The following THSD7A variants were observed in gnomAD, a reference collection of about 807,000 sequenced individuals.
The protein encoded by THSD7A is thrombospondin type-1 domain-containing protein 7A.
A neutral mutation model predicts 231.3 loss-of-function variants in THSD7A; 96 were observed. The ratio of observed to expected loss-of-function variants is 0.41; its 90% confidence interval spans 0.35 to 0.49. The LOEUF (loss-of-function observed/expected upper bound fraction) is 0.49, where lower values mean the gene tolerates loss of function less well. THSD7A is among the 20% of genes least tolerant of loss of function. The pLI is 0.05. For synonymous variants in THSD7A, 940 were observed against 743.3 expected (o/e 1.26, Z -4.30); for missense variants, 2,290 against 2,070.2 (o/e 1.11, Z -2.06).
intron 1 of THSD7A, among the ~76,000 whole-genome samples, chr7:11,648,529 G>A (rs1476082586): frequency 2.6e-5 from 4 of 151,794 alleles, no homozygotes; most frequent in Admixed American, 6.6e-5. Flanking sequence ...ACTTTATTTG[G>A]TGGGCTTCAT....
At chr7:11,542,435 C>A (rs1016117795) in intron 5 of THSD7A, among the ~76,000 whole-genome samples, 1 of 152,192 alleles carries the variant, frequency 6.6e-6, no homozygotes, top group South Asian at 2.1e-4. Flanking sequence ...TTATTCTATT[C>A]CTCTATCATT....
At chr7:11,445,191 C>T (rs192941823) in intron 13 of THSD7A, among the ~76,000 whole-genome samples, 97 of 152,064 alleles carry the variant, frequency 6.4e-4, no homozygotes, top group Non-Finnish European at 1.1e-3. Context: ...CTCATCCTTT[C>T]TTGGCCACTT....
rs1308416804 is a variant in THSD7A, at chr7:11,769,121, CAATATATATA to C, written c.190+62626_190+62635del. Among the ~76,000 whole-genome samples the C allele has an allele frequency of 2.2e-3, 124 of 55,974 alleles. 7 individuals are homozygous for C. Among genetic ancestry groups the C allele is most frequent in the East Asian group, 4.3e-3 (10 of 2,306 alleles). The allele number at this position is 55,974 out of a possible 152,430, so 36.7% of individuals were successfully genotyped here. A position where few individuals can be genotyped will look rare whatever the true frequency, so the allele number is the denominator to read the frequency against. On this transcript the variant is annotated intron_variant, in intron 1 of 27. Transcript: ENST00000423059. ...TACAGGCACCTGCCATAATTCCTGG[CAATATATATA>C]TATATATATATATATATATATATTT...
At chr7:11,808,577 T>C (rs1583307642) in intron 1 of THSD7A, among the ~76,000 whole-genome samples, 1 of 152,330 alleles carries the variant, frequency 6.6e-6, no homozygotes, top group Non-Finnish European at 1.5e-5. Context: ...TTCTATCATA[T>C]TTAAAAGATA....
chr7:11,410,806 C>A (rs1027899371), intron 19 of THSD7A, among the ~76,000 whole-genome samples: 6 of 151,988 alleles, frequency 3.9e-5, no homozygotes, highest in African/African-American at 1.2e-4. Context: ...TGCTATGAAA[C>A]CACATGTGAT....
chr7:11,488,099 T>C (rs1786735640), intron 6 of THSD7A, among the ~76,000 whole-genome samples: 1 of 152,118 alleles, frequency 6.6e-6, no homozygotes, highest in South Asian at 2.1e-4. Context: ...GAGCCAAGAT[T>C]AAAAAGCACA....
intron 2 of THSD7A, among the ~76,000 whole-genome samples, chr7:11,599,069 A>G (rs1252367649): frequency 1.3e-5 from 2 of 152,216 alleles, no homozygotes; most frequent in Admixed American, 6.5e-5. Context: ...CAGGAGATCC[A>G]TTAGGGCGTC....
At chr7:11,715,254 C>T (rs13312424) in intron 1 of THSD7A, among the ~76,000 whole-genome samples, 87,180 of 151,178 alleles carry the variant, frequency 0.58, 25,192 homozygotes, top group Admixed American at 0.63. Context: ...GTTTCATTTG[C>T]GAGGGAATGA....
intron 2 of THSD7A, among the ~76,000 whole-genome samples, chr7:11,612,001 C>T (rs1293340466): frequency 2.0e-5 from 3 of 152,052 alleles, no homozygotes; most frequent in Non-Finnish European, 4.4e-5. Flanking sequence ...TAATTGCTGC[C>T]ATATGGAGCT....
intron 23 of THSD7A, among the ~76,000 whole-genome samples, chr7:11,383,213 A>C (rs1421637720): frequency 6.6e-6 from 1 of 151,918 alleles, no homozygotes; most frequent in Non-Finnish European, 1.5e-5. Flanking sequence ...AAATTTTAAA[A>C]ATGTATCCTA....
chr7:11,672,859 G>A (rs1370135134), intron 1 of THSD7A, among the ~76,000 whole-genome samples: 2 of 151,976 alleles, frequency 1.3e-5, no homozygotes, highest in South Asian at 2.1e-4. Context: ...AAACAGACAC[G>A]TTTGACAATT....
At chr7:11,513,125 A>C (rs1362297549) in intron 6 of THSD7A, among the ~76,000 whole-genome samples, 2 of 151,492 alleles carry the variant, frequency 1.3e-5, no homozygotes, top group Non-Finnish European at 2.9e-5. Context: ...GCAAAGCCAT[A>C]AGAATGATAC....
chr7:11,677,028 T>C (rs768250285), intron 1 of THSD7A, among the ~76,000 whole-genome samples: 6 of 152,094 alleles, frequency 3.9e-5, no homozygotes, highest in Non-Finnish European at 7.4e-5. Flanking sequence ...AAACGTTGGG[T>C]TACCCACAAA....
chr7:11,438,373 A>G (rs1379124547), intron 13 of THSD7A, among the ~76,000 whole-genome samples: 1 of 151,990 alleles, frequency 6.6e-6, no homozygotes, highest in African/African-American at 2.4e-5. Flanking sequence ...TTTTATTTTA[A>G]TAATTAGTGC....
At chr7:11,790,569 AG>A (rs1207679976) in intron 1 of THSD7A, among the ~76,000 whole-genome samples, 1 of 152,026 alleles carries the variant, frequency 6.6e-6, no homozygotes, top group African/African-American at 2.4e-5. Context: ...TACGTTAAAA[AG>A]ATGAGATGTT....
Position 11,626,803 on chromosome 7 carries a change from A to G in THSD7A, c.1022+9327T>C, listed in dbSNP as rs10238066. Among the ~76,000 whole-genome samples, 1,461 of 152,266 alleles carry G rather than the reference A, an allele frequency of 9.6e-3. 23 individuals are homozygous for G. Among genetic ancestry groups the G allele is most frequent in the African/African-American group, 0.034 (1,394 of 41,546 alleles). ...TTCTCATTTATAAAGAAAATATAAC[A>G]ACAGCAATTATTTAGTGTTAACCAG... is the stretch of plus-strand genomic sequence containing the variant. On this transcript the variant is annotated intron_variant, in intron 2 of 27. Transcript: ENST00000423059.
At chr7:11,700,007 T>C (rs1417847430) in intron 1 of THSD7A, among the ~76,000 whole-genome samples, 1 of 151,368 alleles carries the variant, frequency 6.6e-6, no homozygotes, top group Non-Finnish European at 1.5e-5. Context: ...AAGAAGAATA[T>C]CCTTAAAGTT....
At chr7:11,691,471 A>G (rs182142752) in intron 1 of THSD7A, among the ~76,000 whole-genome samples, 1 of 151,592 alleles carries the variant, frequency 6.6e-6, no homozygotes, top group East Asian at 2.0e-4. Flanking sequence ...TAACTTGGAA[A>G]AAAGAGGGCT....
At chr7:11,408,054 G>A (rs1783647085) in intron 19 of THSD7A, among the ~76,000 whole-genome samples, 1 of 151,812 alleles carries the variant, frequency 6.6e-6, no homozygotes, top group South Asian at 2.1e-4. Context: ...CAGTTATGTT[G>A]GTGTCAAACC....
Sources: allele counts gnomAD v4.1 joint callset (sites outside exome capture counted in the v4.1 genomes callset), GRCh38; gene constraint gnomAD v4.1.1; transcripts MANE v1.5; gene names NCBI Gene and HGNC (gene_info 2026-07-23, HGNC 2026-07-21).